The following EEIG2 variants were observed in gnomAD, a reference collection of about 807,000 sequenced individuals.
The protein encoded by EEIG2 is EEIG family member 2.
At chr1:108,628,641 C>G in the EEIG2 span, 1 of 1,584,598 alleles carries the variant, frequency 6.3e-7, no homozygotes, top group South Asian at 1.2e-5. Flanking sequence ...GTTTTCATAA[C>G]ATAATAAAAA....
the EEIG2 span, among the ~76,000 whole-genome samples, chr1:108,603,067 G>A: frequency 1.3e-5 from 2 of 152,184 alleles, no homozygotes; most frequent in South Asian, 2.1e-4. Context: ...CTCCCTCTGA[G>A]AACTATTAGA....
the EEIG2 span, among the ~76,000 whole-genome samples, chr1:108,632,504 A>G: frequency 3.3e-5 from 5 of 152,334 alleles, no homozygotes; most frequent in South Asian, 1.0e-3. Context: ...AGAGCAAGGA[A>G]AGACCAGTAG....
the EEIG2 span, among the ~76,000 whole-genome samples, chr1:108,583,275 G>A: frequency 1.3e-5 from 2 of 151,938 alleles, no homozygotes; most frequent in Non-Finnish European, 2.9e-5. Context: ...CTCCTGAGTA[G>A]CTAGGACTAC....
At chr1:108,579,946 G>T in the EEIG2 span, among the ~76,000 whole-genome samples, 1,378 of 152,074 alleles carry the variant, frequency 9.1e-3, 51 homozygotes, top group Admixed American at 0.08. Flanking sequence ...TAATTTTTCT[G>T]TAGAGACAAG....
At chr1:108,618,099 G>C in the EEIG2 span, among the ~76,000 whole-genome samples, 1 of 152,088 alleles carries the variant, frequency 6.6e-6, no homozygotes, top group Non-Finnish European at 1.5e-5. Flanking sequence ...AGTAGGGCAG[G>C]TTTTATTCAT....
chr1:108,638,198 C>G, the EEIG2 span: 3 of 152,324 alleles, frequency 2.0e-5, no homozygotes, highest in East Asian at 5.8e-4. Flanking sequence ...CCCACCTTGG[C>G]CTCCCAAAGT....
the EEIG2 span, among the ~76,000 whole-genome samples, chr1:108,592,478 T>C: frequency 6.6e-6 from 1 of 152,334 alleles, no homozygotes; most frequent in East Asian, 1.9e-4. Flanking sequence ...TTGTCTTGGC[T>C]TATTTGACTT....
the EEIG2 span, among the ~76,000 whole-genome samples, chr1:108,579,504 C>A: frequency 8.9e-4 from 131 of 146,592 alleles, 1 homozygote; most frequent in African/African-American, 2.8e-3. Flanking sequence ...GACTTTAACA[C>A]CCCACTGTCA....
the EEIG2 span, among the ~76,000 whole-genome samples, chr1:108,586,731 A>C: frequency 6.6e-6 from 1 of 152,138 alleles, no homozygotes; most frequent in Admixed American, 6.6e-5. Flanking sequence ...AAGATTGAAT[A>C]CTAGCTGAAG....
chr1:108,582,415 A>G, the EEIG2 span, among the ~76,000 whole-genome samples: 1 of 152,332 alleles, frequency 6.6e-6, no homozygotes, highest in South Asian at 2.1e-4. Flanking sequence ...TACACAAAGT[A>G]TAAAGATTGT....
chr1:108,571,011 G>C, the EEIG2 span, among the ~76,000 whole-genome samples: 1 of 152,184 alleles, frequency 6.6e-6, no homozygotes, highest in African/African-American at 2.4e-5. Flanking sequence ...GGATGTTGCT[G>C]AGATGGTGTG....
chr1:108,592,161 T>C, the EEIG2 span, among the ~76,000 whole-genome samples: 1 of 152,160 alleles, frequency 6.6e-6, no homozygotes, highest in East Asian at 1.9e-4. Flanking sequence ...GAAGAGATAT[T>C]GAGAGTCTGA....
chr1:108,621,657 A>T, the EEIG2 span, among the ~76,000 whole-genome samples: 2 of 152,126 alleles, frequency 1.3e-5, no homozygotes, highest in East Asian at 3.9e-4. Flanking sequence ...CATAGAGGGG[A>T]TAGGGACACT....
At chr1:108,585,187 G>A in the EEIG2 span, among the ~76,000 whole-genome samples, 1 of 152,084 alleles carries the variant, frequency 6.6e-6, no homozygotes, top group Non-Finnish European at 1.5e-5. Flanking sequence ...AGCTCTTACT[G>A]TTTGCTCATT....
chr1:108,617,817 G>A, the EEIG2 span, among the ~76,000 whole-genome samples: 4 of 152,180 alleles, frequency 2.6e-5, no homozygotes, highest in Non-Finnish European at 4.4e-5. Context: ...GCCTCAGAAA[G>A]GCAGGAATAA....
chr1:108,606,599 C>T, the EEIG2 span, among the ~76,000 whole-genome samples: 1 of 152,210 alleles, frequency 6.6e-6, no homozygotes. Context: ...TGTCTTAGCA[C>T]TCTGTGTATA....
the EEIG2 span, among the ~76,000 whole-genome samples, chr1:108,583,707 A>G: frequency 1.3e-5 from 2 of 152,124 alleles, no homozygotes; most frequent in Non-Finnish European, 2.9e-5. Context: ...TTTAAGTCTG[A>G]AAACAGACAT....
chr1:108,594,347 C>T, the EEIG2 span, among the ~76,000 whole-genome samples: 1 of 152,144 alleles, frequency 6.6e-6, no homozygotes, highest in South Asian at 2.1e-4. Context: ...CAATTAGTTA[C>T]TTACTCATGA....
the EEIG2 span, among the ~76,000 whole-genome samples, chr1:108,573,185 G>T: frequency 2.6e-5 from 4 of 152,166 alleles, no homozygotes; most frequent in African/African-American, 2.4e-5. Context: ...CACAGGATTT[G>T]TGAGGCAATG....
Sources: gnomAD v4.1 joint callset for allele counts (sites outside exome capture counted in the v4.1 genomes callset) on GRCh38, gnomAD v4.1.1 for gene constraint, MANE v1.5 for transcripts, NCBI Gene and HGNC (gene_info 2026-07-23, HGNC 2026-07-21) for gene names.